SPIDR: variants seen among roughly 807,000 people sequenced by gnomAD.
SPIDR encodes DNA repair-scaffolding protein.
In SPIDR, 93 loss-of-function variants were observed where a neutral mutation model predicts 104.6. The ratio of observed to expected loss-of-function variants is 0.89; its 90% CI spans 0.75 to 1.06. SPIDR has a LOEUF of 1.06. Ranked by LOEUF, SPIDR falls within the 50% of genes least tolerant of loss-of-function variation. The pLI is 0.00. For synonymous variants in SPIDR, 431 were observed against 416.9 expected (o/e 1.03, Z -0.41); for missense variants, 1,154 against 1,111.2 (o/e 1.04, Z -0.55).
rs114652468 is a variant in SPIDR, at chr8:47,547,203, G to A, written c.1098-48608G>A. The A allele has an allele frequency of 3.0e-4, 197 of 650,334 alleles. 1 individual carries two copies. In the African/African-American group the frequency reaches 3.3e-3, roughly 11 times the overall value. The allele number at this position is 650,334 out of a possible 1,614,324, so 40.3% of individuals were successfully genotyped here. A position where few individuals can be genotyped will look rare whatever the true frequency, so the allele number is the denominator to read the frequency against. On this transcript the variant is annotated intron_variant, in intron 8 of 19. Coordinates refer to ENST00000297423, the MANE Select transcript of SPIDR (RefSeq NM_001080394.4). ...GATGAGGGATTCCTTTTGTGCCCAC[G>A]AAGATTTTTCTCACTTTGCACAACT...
In SPIDR at chr8:47,261,007, G is replaced by T. The variant is rs1303044468; in HGVS notation, c.33+16G>T. ...GGGCTCTAAGGTAGGCTCTGGGGCG[G>T]GAGTGGGCGCCGCGCCGTTTCCCGC... On this transcript the variant is annotated intron_variant, in intron 1 of 19. Coordinates refer to ENST00000297423, the MANE Select transcript of SPIDR (RefSeq NM_001080394.4). 1.6e-6 allele frequency: 2 copies of T among 1,228,012 alleles called. No homozygotes were observed. Among genetic ancestry groups the T allele is most frequent in the Non-Finnish European group, 2.0e-6 (2 of 985,354 alleles). 76.1% of individuals were successfully genotyped at this position (1,228,012 alleles called of 1,614,324 possible). A position where few individuals can be genotyped will look rare whatever the true frequency, so the allele number is the denominator to read the frequency against.
chr8:47,362,674 A>T, intron 5 of SPIDR, among the ~76,000 whole-genome samples: 1 of 152,204 alleles, frequency 6.6e-6, no homozygotes, highest in East Asian at 1.9e-4. Flanking sequence ...GTTTTTCGAG[A>T]CGGAGTCTGA....
chr8:47,516,585 C>T (rs146093233), intron 8 of SPIDR, among the ~76,000 whole-genome samples: 4 of 152,294 alleles, frequency 2.6e-5, no homozygotes, highest in South Asian at 2.1e-4. Context: ...AGTTCATCCA[C>T]GTTATGTGTC....
intron 14 of SPIDR, among the ~76,000 whole-genome samples, chr8:47,709,643 T>C (rs1339083299): frequency 6.6e-6 from 1 of 152,228 alleles, no homozygotes; most frequent in Non-Finnish European, 1.5e-5. Flanking sequence ...CTTTCATTAG[T>C]TACTGATGTC....
Position 47,284,003 on chromosome 8 carries a change from T to C in SPIDR, c.190-25T>C, listed in dbSNP as rs1254441375. On this transcript the variant is annotated intron_variant, in intron 2 of 19. Transcript: ENST00000297423. ...TTTTTTTAGCATTTGTCACATAAATTCCATGATTATTATTTTGCCTACAGT... is the reference window on the plus strand; with the variant it reads ...TTTTTTTAGCATTTGTCACATAAATCCCATGATTATTATTTTGCCTACAGT... 3.8e-6 allele frequency: 6 copies of C among 1,567,882 alleles called. No individual in the cohort carries two copies. In the African/African-American group the frequency reaches 8.2e-5, roughly 21 times the overall value.
intron 5 of SPIDR, among the ~76,000 whole-genome samples, chr8:47,330,345 A>T (rs782160845): frequency 6.6e-6 from 1 of 152,182 alleles, no homozygotes; most frequent in Non-Finnish European, 1.5e-5. Flanking sequence ...ACAGTTGATG[A>T]ACCCGTGTAT....
At chr8:47,669,493 GAGA>G (rs1435999392) in intron 10 of SPIDR, among the ~76,000 whole-genome samples, 7 of 152,128 alleles carry the variant, frequency 4.6e-5, no homozygotes, top group Non-Finnish European at 8.8e-5. Context: ...TGAATACCAG[GAGA>G]AGAAGAGTGA....
intron 8 of SPIDR, among the ~76,000 whole-genome samples, chr8:47,591,284 G>A (rs937920165): frequency 4.6e-5 from 7 of 150,566 alleles, no homozygotes; most frequent in African/African-American, 1.5e-4. Context: ...TAACGTTTTG[G>A]TGTATATCTC....
chr8:47,261,206 G>C (rs960687442), intron 1 of SPIDR, among the ~76,000 whole-genome samples: 101 of 152,254 alleles, frequency 6.6e-4, no homozygotes, highest in African/African-American at 2.3e-3. Flanking sequence ...CGTGCGGGCC[G>C]GGCCCTCAGC....
At chr8:47,518,929 C>G (rs2083581457) in intron 8 of SPIDR, among the ~76,000 whole-genome samples, 1 of 152,182 alleles carries the variant, frequency 6.6e-6, no homozygotes, top group African/African-American at 2.4e-5. Context: ...TCCACCGTGC[C>G]TGGCCTCAAG....
intron 5 of SPIDR, among the ~76,000 whole-genome samples, chr8:47,324,603 ATATTTCCAGTAG>A (rs2047349013): frequency 6.6e-6 from 1 of 152,170 alleles, no homozygotes; most frequent in Non-Finnish European, 1.5e-5. Context: ...ATTACTAATA[ATATTTCCAGTAG>A]TATGGATGCT....
chr8:47,463,097 G>A (rs577667463), intron 8 of SPIDR, among the ~76,000 whole-genome samples: 18 of 152,156 alleles, frequency 1.2e-4, no homozygotes, highest in African/African-American at 3.4e-4. Flanking sequence ...GGTGACTCAC[G>A]CCTGTAATCC....
At position 47,488,488 on chromosome 8, in the gene SPIDR, C is replaced by A. The variant is rs147907606; in HGVS notation, c.1097+47946C>A. Among the ~76,000 whole-genome samples, 4 of 152,282 alleles carry A rather than the reference C, an allele frequency of 2.6e-5. No individual in the cohort carries two copies. In the East Asian group the frequency reaches 7.7e-4, roughly 29 times the overall value. On this transcript the variant is annotated intron_variant, in intron 8 of 19. Transcript: ENST00000297423. ...ATCAACAGAAAAAGAGGGAATCCTCCTTAACTTATTTTATGAGACCAGTAT... is the reference window on the plus strand; with the variant it reads ...ATCAACAGAAAAAGAGGGAATCCTCATTAACTTATTTTATGAGACCAGTAT...
At chr8:47,392,010 A>AG (rs1438945843) in intron 5 of SPIDR, among the ~76,000 whole-genome samples, 3 of 151,238 alleles carry the variant, frequency 2.0e-5, no homozygotes, top group African/African-American at 7.2e-5. Flanking sequence ...AAAAAAAAAA[A>AG]AAAGAAAGAA....
intron 5 of SPIDR, among the ~76,000 whole-genome samples, chr8:47,341,344 A>G (rs2050725762): frequency 6.6e-6 from 1 of 152,228 alleles, no homozygotes; most frequent in South Asian, 2.1e-4. Context: ...TCATAGCAGA[A>G]GAATTTCTGT....
intron 5 of SPIDR, among the ~76,000 whole-genome samples, chr8:47,390,590 T>TA (rs57154421): frequency 0.033 from 4,586 of 137,934 alleles, 181 homozygotes; most frequent in African/African-American, 0.097. Flanking sequence ...ACCATACCAT[T>TA]AAAAAAAAAA....
intron 10 of SPIDR, among the ~76,000 whole-genome samples, chr8:47,672,849 C>CT (rs1245022436): frequency 1.3e-5 from 2 of 152,132 alleles, no homozygotes; most frequent in African/African-American, 4.8e-5. Context: ...AGTAAAGGTG[C>CT]TTTTTTTCAG....
chr8:47,564,015 G>A (rs2154402491), intron 8 of SPIDR, among the ~76,000 whole-genome samples: 1 of 150,002 alleles, frequency 6.7e-6, no homozygotes, highest in Admixed American at 6.6e-5. Context: ...CTTATACTTA[G>A]CCATTATTTA....
intron 14 of SPIDR, among the ~76,000 whole-genome samples, chr8:47,704,080 C>T (rs2080725556): frequency 6.6e-6 from 1 of 152,224 alleles, no homozygotes; most frequent in African/African-American, 2.4e-5. Flanking sequence ...TAGTAACTGT[C>T]AATTGCGTTT....
Sources: gnomAD v4.1 joint callset for allele counts (sites outside exome capture counted in the v4.1 genomes callset) on GRCh38, gnomAD v4.1.1 for gene constraint, MANE v1.5 for transcripts, NCBI Gene and HGNC (gene_info 2026-07-23, HGNC 2026-07-21) for gene names.